The following NOL10 variants were observed in gnomAD, a reference collection of about 807,000 sequenced individuals.
NOL10 encodes the protein H_NH0074G24.1.
NOL10 carries 58 observed loss-of-function variants against 103.5 expected under a neutral mutation model. The ratio of observed to expected loss-of-function variants is 0.56; its 90% confidence interval spans 0.45 to 0.70. The LOEUF (loss-of-function observed/expected upper bound fraction) is 0.70, where lower values mean the gene tolerates loss of function less well. NOL10 is among the 30% of genes least tolerant of loss of function. The pLI is 0.00. For missense variants in NOL10, 763 were observed against 807.3 expected (o/e 0.95, Z 0.67); for synonymous variants, 287 against 282.5 (o/e 1.02, Z -0.16).
chr2:10,669,973 G>C (rs1558342328), intron 6 of NOL10, among the ~76,000 whole-genome samples: 1 of 151,902 alleles, frequency 6.6e-6, no homozygotes, highest in African/African-American at 2.4e-5. Context: ...AACATTTTGT[G>C]AGGCCAAAGC....
chr2:10,659,305 T>C (rs1335707265), intron 9 of NOL10, 55 bp from the exon 10 acceptor site: 2 of 650,472 alleles, frequency 3.1e-6, no homozygotes, highest in Non-Finnish European at 2.5e-6. Flanking sequence ...TCCTTCCAAG[T>C]AACAAGTTCA....
At chr2:10,654,352 T>C in intron 12 of NOL10, 129 bp downstream of exon 12, 1 of 652,994 alleles carries the variant, frequency 1.5e-6, no homozygotes, top group East Asian at 3.3e-5. Flanking sequence ...CAAAGCCAAA[T>C]TCTATCTTAA....
chr2:10,671,720 T>G (rs1376260132), intron 5 of NOL10, 30 bp from the exon 6 acceptor site: 1 of 1,511,550 alleles, frequency 6.6e-7, no homozygotes, highest in Non-Finnish European at 8.9e-7. Flanking sequence ...ATTAGTTTGC[T>G]TAGGTTTCTA....
chr2:10,685,864 G>A (rs1682160324), intron 1 of NOL10, among the ~76,000 whole-genome samples: 1 of 113,968 alleles, frequency 8.8e-6, no homozygotes, highest in Non-Finnish European at 2.2e-5. Flanking sequence ...AGGAGTTCGA[G>A]ACCAGCCTGG....
At chr2:10,634,639 T>A (rs1428713546) in intron 13 of NOL10, 1 of 455,904 alleles carries the variant, frequency 2.2e-6, no homozygotes, top group Non-Finnish European at 4.4e-6. Flanking sequence ...ATAAACAAGC[T>A]CCCTGGGAGA....
intron 19 of NOL10, among the ~76,000 whole-genome samples, chr2:10,579,390 C>A (rs2148144325): frequency 6.6e-6 from 1 of 152,116 alleles, no homozygotes; most frequent in Admixed American, 6.5e-5. Context: ...TGCTGCAGGC[C>A]ACGTAAGGAT....
rs529404848 is a variant in NOL10, at chr2:10,655,235, G to T, written c.907-688C>A. On this transcript the variant is annotated intron_variant, in intron 11 of 20. Coordinates refer to ENST00000381685, the MANE Select transcript of NOL10 (RefSeq NM_024894.4). ...AAAAAAAAGAAAGAAAGGAAGAAAA[G>T]AAAGGAAGGAAGGAAGAAAGGAAAG... is the stretch of plus-strand genomic sequence containing the variant. Among the ~76,000 whole-genome samples the T allele has an allele frequency of 2.0e-5, 3 of 147,434 alleles. No individual in the cohort carries two copies. In the South Asian group the frequency reaches 6.4e-4, roughly 32 times the overall value.
intron 13 of NOL10, chr2:10,634,650 G>T (rs908233702): frequency 1.1e-5 from 5 of 455,244 alleles, no homozygotes; most frequent in Non-Finnish European, 2.2e-5. Context: ...CCCTGGGAGA[G>T]AATATAAATA....
At position 10,573,431 on chromosome 2, in the gene NOL10, A is replaced by G. The variant is rs1321088128; in HGVS notation, c.1948-1241T>C. 2.0e-5 allele frequency among the ~76,000 whole-genome samples: 3 copies of G among 152,010 alleles called. 1 individual carries two copies. The highest frequency in any genetic ancestry group is 6.6e-5 in the Admixed American group (1 of 15,264). Reference sequence around the variant, plus strand: ...ATGGTCTCGATCTCTTGACTTTGTGATCCACCCACCTTGGCCTCCTAAAGT... The same window carrying G: ...ATGGTCTCGATCTCTTGACTTTGTGGTCCACCCACCTTGGCCTCCTAAAGT... On this transcript the variant is annotated intron_variant, in intron 20 of 20. Transcript: ENST00000381685.
chr2:10,682,261 C>T (rs188228620), intron 2 of NOL10, among the ~76,000 whole-genome samples, 192 bp from the exon 3 acceptor site: 9 of 151,982 alleles, frequency 5.9e-5, no homozygotes, highest in Non-Finnish European at 7.4e-5. Context: ...TTAGCTCATA[C>T]GTTGTTTTTC....
chr2:10,594,499 T>C (rs1675560585), intron 17 of NOL10, among the ~76,000 whole-genome samples: 1 of 152,144 alleles, frequency 6.6e-6, no homozygotes, highest in Admixed American at 6.5e-5. Flanking sequence ...TAGAAGCAAC[T>C]TCTTCAGGAA....
At chr2:10,641,174 CAAA>C (rs35267200) in intron 13 of NOL10, among the ~76,000 whole-genome samples, 72 of 99,458 alleles carry the variant, frequency 7.2e-4, no homozygotes, top group Non-Finnish European at 1.1e-3. Flanking sequence ...TACAAAAATA[CAAA>C]AAAAAAAAAA....
chr2:10,599,084 T>TA (rs1553298749), intron 17 of NOL10, among the ~76,000 whole-genome samples: 2 of 151,688 alleles, frequency 1.3e-5, no homozygotes, highest in African/African-American at 4.9e-5. Flanking sequence ...TACAAAGAAA[T>TA]GGGGGGAAGG....
chr2:10,632,251 T>C (rs1677898133), intron 13 of NOL10, among the ~76,000 whole-genome samples: 1 of 152,218 alleles, frequency 6.6e-6, no homozygotes, highest in Non-Finnish European at 1.5e-5. Context: ...CCTGCATTCA[T>C]GTCTTACATT....
chr2:10,687,560 G>A (rs1292134281), intron 1 of NOL10, among the ~76,000 whole-genome samples: 2 of 152,118 alleles, frequency 1.3e-5, no homozygotes, highest in Non-Finnish European at 2.9e-5. Context: ...CCCAAATAAC[G>A]ACAGTAAATT....
chr2:10,573,709 G>A (rs546422296), intron 20 of NOL10, among the ~76,000 whole-genome samples: 3 of 149,532 alleles, frequency 2.0e-5, no homozygotes, highest in South Asian at 4.2e-4. Context: ...TTCTTAAACC[G>A]GGTTTCTGCA....
chr2:10,641,658 T>C (rs1678705522), intron 13 of NOL10, among the ~76,000 whole-genome samples: 1 of 152,228 alleles, frequency 6.6e-6, no homozygotes, highest in Admixed American at 6.5e-5. Flanking sequence ...TATCTGCACA[T>C]TTGCCCAAGC....
intron 13 of NOL10, among the ~76,000 whole-genome samples, chr2:10,637,036 T>C (rs985926543): frequency 1.4e-4 from 21 of 152,018 alleles, no homozygotes; most frequent in Admixed American, 1.4e-3. Context: ...ACCCCATGTC[T>C]ACTAAAAATA....
At chr2:10,675,677 C>T in intron 4 of NOL10, 117 bp downstream of exon 4, 2 of 603,334 alleles carry the variant, frequency 3.3e-6, no homozygotes, top group South Asian at 2.2e-5. Context: ...GATTGTAGTA[C>T]AGTAATTTGT....
Sources: allele counts gnomAD v4.1 joint callset (sites outside exome capture counted in the v4.1 genomes callset), GRCh38; gene constraint gnomAD v4.1.1; transcripts MANE v1.5; gene names NCBI Gene and HGNC (gene_info 2026-07-23, HGNC 2026-07-21).